TBC1D4: variants seen among roughly 807,000 people sequenced by gnomAD.
TBC1D4 encodes TBC1 domain family member 4, also known as TBC (Tre-2, BUB2, CDC16) domain-containing protein.
A neutral mutation model predicts 142.5 loss-of-function variants in TBC1D4; 121 were observed. That is an observed-to-expected ratio of 0.85 (90% confidence interval 0.73 to 0.99). TBC1D4 has a LOEUF of 0.99. Among genes scored for constraint, TBC1D4 ranks in the 50% least tolerant of loss-of-function variants. TBC1D4 has a pLI of 0.00. For synonymous variants in TBC1D4, 630 were observed against 628.2 expected, an observed-to-expected ratio of 1.00 and a Z score of -0.04; for missense variants, 1,475 against 1,606.6, an observed-to-expected ratio of 0.92 and a Z score of 1.40.
chr13:75,448,043 C>G (rs1249493027), intron 1 of TBC1D4, among the ~76,000 whole-genome samples: 1 of 152,050 alleles, frequency 6.6e-6, no homozygotes, highest in East Asian at 1.9e-4. Context: ...ATCCCAAAAC[C>G]ATCCCCGCCA....
intron 1 of TBC1D4, among the ~76,000 whole-genome samples, chr13:75,455,316 T>C (rs1887685688): frequency 6.6e-6 from 1 of 152,216 alleles, no homozygotes; most frequent in Non-Finnish European, 1.5e-5. Flanking sequence ...CCTATGGTTA[T>C]AAGTCAACTG....
At chr13:75,401,441 A>T (rs1885091548) in intron 1 of TBC1D4, among the ~76,000 whole-genome samples, 1 of 152,234 alleles carries the variant, frequency 6.6e-6, no homozygotes, top group South Asian at 2.1e-4. Flanking sequence ...CTGATACTAC[A>T]TGACCTTGGC....
chr13:75,327,728 T>G, intron 9 of TBC1D4, 24 bp downstream of exon 9: 1 of 1,612,994 alleles, frequency 6.2e-7, no homozygotes, highest in Non-Finnish European at 8.5e-7. Context: ...TTGCAATTAG[T>G]GTAAACAAGC....
At chr13:75,387,975 G>C (rs1369529220) in intron 1 of TBC1D4, among the ~76,000 whole-genome samples, 24 of 152,146 alleles carry the variant, frequency 1.6e-4, no homozygotes, top group Admixed American at 1.4e-3. Flanking sequence ...GGAATCTCTA[G>C]GGGAGAATTC....
chr13:75,297,175 T>C (rs548409743), intron 17 of TBC1D4, among the ~76,000 whole-genome samples: 2 of 152,352 alleles, frequency 1.3e-5, no homozygotes, highest in East Asian at 3.9e-4. Context: ...TTCAAAATTA[T>C]AGACATAAAA....
At chr13:75,397,083 C>A (rs1311180234) in intron 1 of TBC1D4, among the ~76,000 whole-genome samples, 3 of 151,634 alleles carry the variant, frequency 2.0e-5, no homozygotes, top group African/African-American at 7.3e-5. Context: ...ATGGATTTCA[C>A]AGGTTAATTA....
intron 1 of TBC1D4, among the ~76,000 whole-genome samples, chr13:75,397,996 A>G (rs1044641923): frequency 2.0e-5 from 3 of 152,222 alleles, no homozygotes; most frequent in African/African-American, 4.8e-5. Flanking sequence ...CATGACTACC[A>G]TAAGACCACC....
intron 1 of TBC1D4, among the ~76,000 whole-genome samples, chr13:75,435,640 C>T (rs1351170193): frequency 6.6e-6 from 1 of 152,128 alleles, no homozygotes; most frequent in Non-Finnish European, 1.5e-5. Context: ...CTATGACACC[C>T]AGTGGCAACG....
chr13:75,481,428 G>C lies in TBC1D4; in HGVS notation c.340C>G (p.Pro114Ala), dbSNP rs1461436077. The C allele has an allele frequency of 2.5e-6, 4 of 1,613,856 alleles. No individual in the cohort carries two copies. Among genetic ancestry groups the C allele is most frequent in the South Asian group, 1.1e-5 (1 of 91,088 alleles). Residue 114 changes from proline to alanine, a missense_variant, in exon 1 of 21, where the codon CCG becomes GCG. Around this residue, in one of 2 missense-constraint regions of TBC1D4, gnomAD observed 1,227 missense variants for 1,267.7 expected, o/e 0.97. Transcript: ENST00000377636. The part of the protein sequence containing the change: ...GTSPSATQPN[P>A]AVFIFEHKAQ... ...TTGTGCTCGAAGATGAATACCGCCGGGTTGGGCTGCGTGGCCGACGGACTA... is the reference window on the plus strand; with the variant it reads ...TTGTGCTCGAAGATGAATACCGCCGCGTTGGGCTGCGTGGCCGACGGACTA...
chr13:75,418,686 A>T (rs1024304441), intron 1 of TBC1D4, among the ~76,000 whole-genome samples: 3 of 152,198 alleles, frequency 2.0e-5, no homozygotes, highest in Non-Finnish European at 4.4e-5. Context: ...AGCCTTACAT[A>T]AGCAATTGCT....
chr13:75,455,919 T>C (rs1377615052), intron 1 of TBC1D4, among the ~76,000 whole-genome samples: 1 of 152,054 alleles, frequency 6.6e-6, no homozygotes, highest in Non-Finnish European at 1.5e-5. Flanking sequence ...ATCAACTGCC[T>C]AACTCAAGAA....
At chr13:75,364,488 C>T (rs1019084469) in intron 1 of TBC1D4, among the ~76,000 whole-genome samples, 7 of 152,226 alleles carry the variant, frequency 4.6e-5, no homozygotes, top group Non-Finnish European at 7.3e-5. Context: ...CAGTGACTCA[C>T]CCTGAACACT....
chr13:75,306,518 T>A, intron 14 of TBC1D4, 47 bp from the exon 15 acceptor site: 1 of 1,605,146 alleles, frequency 6.2e-7, no homozygotes, highest in Non-Finnish European at 8.5e-7. Flanking sequence ...TTTTCAAATG[T>A]AAAACTTTAG....
chr13:75,296,506 AAG>A (rs887113610), intron 17 of TBC1D4, among the ~76,000 whole-genome samples: 3 of 152,228 alleles, frequency 2.0e-5, no homozygotes, highest in African/African-American at 4.8e-5. Flanking sequence ...AATGGGAGTT[AAG>A]AGAGTTTCTT....
chr13:75,388,204 G>A (rs923342526), intron 1 of TBC1D4, among the ~76,000 whole-genome samples: 2 of 152,148 alleles, frequency 1.3e-5, no homozygotes, highest in African/African-American at 4.8e-5. Context: ...GATAATCCAG[G>A]ATAATCTCTG....
At chr13:75,337,652 T>A (rs1233032547) in intron 7 of TBC1D4, among the ~76,000 whole-genome samples, 1 of 152,200 alleles carries the variant, frequency 6.6e-6, no homozygotes, top group Non-Finnish European at 1.5e-5. Context: ...CAAAAAACTT[T>A]CAAGCGAGAA....
chr13:75,383,024 T>C (rs182083818), intron 1 of TBC1D4, among the ~76,000 whole-genome samples: 1 of 152,310 alleles, frequency 6.6e-6, no homozygotes, highest in East Asian at 1.9e-4. Context: ...ATGAACTCTA[T>C]CAAAAGCCTA....
At chr13:75,411,546 G>C (rs889725071) in intron 1 of TBC1D4, among the ~76,000 whole-genome samples, 11 of 152,082 alleles carry the variant, frequency 7.2e-5, no homozygotes, top group Admixed American at 3.3e-4. Context: ...TTTTTTTTGA[G>C]ACAGAGTCTC....
intron 8 of TBC1D4, 114 bp downstream of exon 8, chr13:75,336,806 GT>G (rs147812027): frequency 0.038 from 44,773 of 1,191,156 alleles, 1,488 homozygotes; most frequent in Admixed American, 0.15. Context: ...GTTATCTTAG[GT>G]TTTTTTTTTG....
Sources: allele counts gnomAD v4.1 joint callset (sites outside exome capture counted in the v4.1 genomes callset), GRCh38; gene constraint gnomAD v4.1.1; regional missense constraint gnomAD v4.1.1; transcripts MANE v1.5; gene names NCBI Gene and HGNC (gene_info 2026-07-23, HGNC 2026-07-21).